The following MYO10 variants were observed in gnomAD, a reference collection of about 807,000 sequenced individuals.
The protein encoded by MYO10 is unconventional myosin-X.
Under a neutral mutation model 257.3 loss-of-function variants are expected in MYO10, and 133 were observed. The ratio of observed to expected loss-of-function variants is 0.52; its 90% confidence interval spans 0.45 to 0.60. The LOEUF (loss-of-function observed/expected upper bound fraction) is 0.60. MYO10 is among the 20% of genes least tolerant of loss of function. MYO10 has a pLI of 0.00. For missense variants in MYO10, 2,399 were observed against 2,635.7 expected (o/e 0.91, Z 1.97); for synonymous variants, 1,104 against 1,028.6 (o/e 1.07, Z -1.40).
In MYO10 at chr5:16,785,862, T is replaced by A. The variant is rs539771485; in HGVS notation, c.468-2393A>T. 2.0e-5 allele frequency among the ~76,000 whole-genome samples: 3 copies of A among 149,086 alleles called. No individual in the cohort carries two copies. In the South Asian group the frequency reaches 6.6e-4, roughly 33 times the overall value. ...TCCAGCCTGGGCAACAGAGCCAGAC[T>A]CCATCTCAAAAAAATAATTAAAAAA... On this transcript the variant is annotated intron_variant, in intron 4 of 40. Transcript: ENST00000513610.
chr5:16,782,824 T>C (rs540194413), intron 5 of MYO10, among the ~76,000 whole-genome samples: 3 of 152,240 alleles, frequency 2.0e-5, no homozygotes, highest in African/African-American at 7.2e-5. Flanking sequence ...CCCTGTTATA[T>C]AGAATGCATC....
At chr5:16,790,533 G>GGGTTTCATGA (rs374152651) in intron 4 of MYO10, among the ~76,000 whole-genome samples, 2,452 of 152,212 alleles carry the variant, frequency 0.016, 29 homozygotes, top group Non-Finnish European at 0.024. Flanking sequence ...AGTAGTGAGT[G>GGGTTTCATGA]GGTTTCATGA....
chr5:16,736,335 A>G (rs1739800431), intron 19 of MYO10, among the ~76,000 whole-genome samples: 1 of 152,184 alleles, frequency 6.6e-6, no homozygotes, highest in Admixed American at 6.5e-5. Context: ...TAAACCAGGA[A>G]ATGCCTCTAG....
intron 3 of MYO10, among the ~76,000 whole-genome samples, chr5:16,804,850 AG>A (rs1742225623): frequency 6.6e-6 from 1 of 152,100 alleles, no homozygotes; most frequent in Non-Finnish European, 1.5e-5. Context: ...GGGGAGGTCA[AG>A]GCTGTAGTGA....
chr5:16,820,162 C>T (rs1742755091), intron 2 of MYO10, among the ~76,000 whole-genome samples: 1 of 152,220 alleles, frequency 6.6e-6, no homozygotes, highest in Non-Finnish European at 1.5e-5. Flanking sequence ...GTAGACCCTT[C>T]ATTTTAAGTC....
intron 19 of MYO10, among the ~76,000 whole-genome samples, chr5:16,735,389 C>T (rs1184737283): frequency 6.6e-6 from 1 of 152,018 alleles, no homozygotes; most frequent in Non-Finnish European, 1.5e-5. Context: ...GACCAGGCCA[C>T]GGTGGTGAAT....
intron 1 of MYO10, among the ~76,000 whole-genome samples, chr5:16,917,864 G>A (rs984893137): frequency 3.9e-5 from 6 of 152,032 alleles, no homozygotes; most frequent in African/African-American, 1.4e-4. Context: ...AAAAAAGCAA[G>A]ACCCTGGGTC....
chr5:16,825,897 C>T (rs973641506), intron 2 of MYO10, among the ~76,000 whole-genome samples: 3 of 152,128 alleles, frequency 2.0e-5, no homozygotes, highest in Non-Finnish European at 2.9e-5. Flanking sequence ...GTAATTCCAG[C>T]ACTTTCGGAA....
At position 16,703,022 on chromosome 5, in the gene MYO10, G is replaced by T; in HGVS notation, c.2413C>A (p.Arg805=). The part of the protein sequence containing the change: ...FQKQLRGQIA[R]RVYRQLLAEK... The stretch of plus-strand genomic sequence containing the variant: ...GCCAGCAATTGTCTGTAAACTCTCC[G>T]AGCAATCTGACCTCTGAGTTGCTTC... The change falls in exon 23 of 41, where the codon CGG becomes AGG. Residue 805 remains arginine (R), a synonymous_variant. Transcript: ENST00000513610. 6.4e-7 allele frequency: 1 copy of T among 1,552,554 alleles called. No homozygotes were observed.
intron 33 of MYO10, among the ~76,000 whole-genome samples, chr5:16,677,433 T>TTTTTTTTTTTTTTTTTTTTTG (rs1363770924): frequency 1.4e-5 from 2 of 145,256 alleles, no homozygotes; most frequent in African/African-American, 5.4e-5. Context: ...TTTTTTTTTT[T>TTTTTTTTTTTTTTTTTTTTTG]GAGACGGAGT....
In MYO10 at chr5:16,666,736, A is replaced by G. The variant is rs774266907; in HGVS notation, c.6133T>C (p.Tyr2045His). 1 of 1,608,224 alleles carries G rather than the reference A, an allele frequency of 6.2e-7. No homozygotes were observed. Among genetic ancestry groups the G allele is most frequent in the South Asian group, 1.1e-5 (1 of 89,780 alleles). The change falls in exon 41 of 41, where the codon TAC (tyrosine) becomes CAC (histidine). Residue 2045 changes from tyrosine (Y) to histidine (H), a missense_variant. Physicochemically the swap from Tyr to His is moderately conservative, Grantham distance 83. Around this residue, in one of 3 missense-constraint regions of MYO10, gnomAD observed 1,820 missense variants for 1,939.4 expected, o/e 0.94. Coordinates refer to ENST00000513610, the MANE Select transcript of MYO10 (RefSeq NM_012334.3). ...AYISMIVKKR[Y>H]STTRSASSQG... ...CTGCTGGCGGAGCGTGTCGTGCTGT[A>G]GCGCTTCTTCACGATCATGCTGATG...
intron 2 of MYO10, among the ~76,000 whole-genome samples, chr5:16,856,140 C>A (rs142863026): frequency 2.0e-5 from 3 of 152,360 alleles, no homozygotes; most frequent in South Asian, 2.1e-4. Context: ...CTGGGGATTT[C>A]TTTTCCCTTA....
chr5:16,888,489 G>C (rs754028412), intron 1 of MYO10, among the ~76,000 whole-genome samples: 31 of 151,876 alleles, frequency 2.0e-4, no homozygotes, highest in Non-Finnish European at 1.3e-4. Flanking sequence ...CAGCTACTCA[G>C]GAGGCTGAGG....
chr5:16,764,300 C>A lies in MYO10; in HGVS notation c.1276G>T (p.Asp426Tyr), dbSNP rs573227270. 6.2e-7 allele frequency: 1 copy of A among 1,614,028 alleles called. No homozygotes were observed. The highest frequency in any genetic ancestry group is 8.5e-7 in the Non-Finnish European group (1 of 1,179,888). ...TCGAGGATGCCAATAGACTTGAAGT[C>A]CTCATTGCCTTTGATCCTGCTGTTG... ...KINSRIKGNE[D>Y]FKSIGILDIF... Residue 426 changes from aspartate (D) to tyrosine (Y), a missense_variant, in exon 12 of 41, where the codon GAC (aspartate) becomes TAC (tyrosine). Physicochemically the swap from Asp to Tyr is radical, Grantham distance 160. Transcript: ENST00000513610.
At chr5:16,761,676 G>A (rs891030401) in intron 16 of MYO10, 130 bp from the exon 17 acceptor site, 10 of 722,604 alleles carry the variant, frequency 1.4e-5, no homozygotes, top group Admixed American at 1.3e-4. Flanking sequence ...TAAGAGACAG[G>A]GTCTTGCTCT....
At chr5:16,691,340 T>TA (rs1737492645) in intron 27 of MYO10, among the ~76,000 whole-genome samples, 1 of 151,610 alleles carries the variant, frequency 6.6e-6, no homozygotes, top group African/African-American at 2.4e-5. Flanking sequence ...TAAAATAGTC[T>TA]GGTTAGAAAA....
intron 19 of MYO10, among the ~76,000 whole-genome samples, chr5:16,724,678 A>C (rs1739284288): frequency 6.6e-6 from 1 of 152,168 alleles, no homozygotes; most frequent in Non-Finnish European, 1.5e-5. Flanking sequence ...GAGGGATGCA[A>C]AAGAAATTGG....
chr5:16,844,956 A>ACACACACACACG (rs1743589094), intron 2 of MYO10, among the ~76,000 whole-genome samples: 2 of 87,912 alleles, frequency 2.3e-5, no homozygotes, highest in Admixed American at 2.4e-4. Context: ...ACACACACGC[A>ACACACACACACG]CACACACACA....
intron 35 of MYO10, among the ~76,000 whole-genome samples, chr5:16,674,472 AAAAAG>A (rs781332295): frequency 7.2e-5 from 11 of 152,352 alleles, no homozygotes; most frequent in Non-Finnish European, 1.5e-4. Flanking sequence ...TCTGTCTCAA[AAAAAG>A]AAAAGAAAAG....
Sources: gnomAD v4.1 joint callset for allele counts (sites outside exome capture counted in the v4.1 genomes callset) on GRCh38, gnomAD v4.1.1 for gene constraint, gnomAD v4.1.1 regional missense constraint, MANE v1.5 for transcripts, NCBI Gene and HGNC (gene_info 2026-07-23, HGNC 2026-07-21) for gene names.